The following TRPM3 variants were observed in gnomAD, a reference collection of about 807,000 sequenced individuals.
TRPM3 encodes the protein long transient receptor potential channel 3.
In TRPM3, 77 loss-of-function variants were observed where a neutral mutation model predicts 181.2. The observed-to-expected ratio is 0.42, with a 90% CI of 0.35 to 0.51. The LOEUF (loss-of-function observed/expected upper bound fraction) is 0.51, where lower values mean the gene tolerates loss of function less well. Ranked by LOEUF, TRPM3 falls within the 20% of genes least tolerant of loss-of-function variation. The pLI, the probability that TRPM3 is intolerant of heterozygous loss-of-function variation, is 0.01. For missense variants in TRPM3, 1,759 were observed against 2,196.7 expected (o/e 0.80, Z 3.98); for synonymous variants, 745 against 796.4 (o/e 0.94, Z 1.09).
chr9:70,744,489 A>T (rs1324570438), intron 8 of TRPM3, among the ~76,000 whole-genome samples: 1 of 152,222 alleles, frequency 6.6e-6, no homozygotes, highest in Non-Finnish European at 1.5e-5. Flanking sequence ...AAGGAATGGA[A>T]CAGAGCTTTA....
At chr9:70,747,589 T>C (rs1235289241) in intron 8 of TRPM3, among the ~76,000 whole-genome samples, 5 of 152,122 alleles carry the variant, frequency 3.3e-5, no homozygotes, top group African/African-American at 1.2e-4. Context: ...CCACTGCCTG[T>C]GGGTCAAATT....
intron 1 of TRPM3, among the ~76,000 whole-genome samples, chr9:70,978,803 ATGCCC>A (rs1219559733): frequency 6.6e-6 from 1 of 152,214 alleles, no homozygotes; most frequent in Non-Finnish European, 1.5e-5. Flanking sequence ...ACACTCACTG[ATGCCC>A]TGCCAGTGTC....
intron 9 of TRPM3, among the ~76,000 whole-genome samples, chr9:70,674,055 G>T (rs1373566637): frequency 6.6e-6 from 1 of 151,830 alleles, no homozygotes; most frequent in Admixed American, 6.6e-5. Flanking sequence ...ACAGTATAAG[G>T]TTAAGAAAAT....
intron 1 of TRPM3, among the ~76,000 whole-genome samples, chr9:70,928,011 A>G (rs1008298183): frequency 6.6e-6 from 1 of 152,118 alleles, no homozygotes; most frequent in Non-Finnish European, 1.5e-5. Flanking sequence ...TAGTTTGGAA[A>G]TTTTACTTCT....
At chr9:71,056,153 A>C (rs1378385573) in intron 1 of TRPM3, among the ~76,000 whole-genome samples, 2 of 152,024 alleles carry the variant, frequency 1.3e-5, no homozygotes, top group African/African-American at 4.8e-5. Flanking sequence ...GTATCAAAAC[A>C]ACATCCTTGA....
intron 1 of TRPM3, among the ~76,000 whole-genome samples, chr9:70,914,272 G>A (rs3010449): frequency 0.015 from 2,347 of 152,240 alleles, 68 homozygotes; most frequent in African/African-American, 0.054. Context: ...CAGGAACATC[G>A]TGCTATTTTG....
chr9:70,955,811 C>G (rs1051543435), intron 1 of TRPM3, among the ~76,000 whole-genome samples: 8 of 152,148 alleles, frequency 5.3e-5, no homozygotes, highest in Non-Finnish European at 1.2e-4. Context: ...AAGTCTTTGT[C>G]AATGTTTTGA....
chr9:70,828,478 C>G (rs927289458), intron 5 of TRPM3, among the ~76,000 whole-genome samples: 7 of 151,912 alleles, frequency 4.6e-5, no homozygotes, highest in African/African-American at 1.7e-4. Context: ...TTCTTTCTGT[C>G]AATCTCATTC....
chr9:70,940,704 T>C lies in TRPM3; in HGVS notation c.178-76193A>G, dbSNP rs537181469. Among the ~76,000 whole-genome samples, 189 of 152,310 alleles carry C rather than the reference T, an allele frequency of 1.2e-3. No homozygotes were observed. In the Middle Eastern group the frequency reaches 0.017, roughly 14 times the overall value. On this transcript the variant is annotated intron_variant, in intron 1 of 25. Transcript: ENST00000677713. ...GTCAGGAAGGACTTCTCTGAGGAGA[T>C]GGCATTGGAACTAACACTGAAGGAT...
At chr9:70,948,421 C>T (rs2096959815) in intron 1 of TRPM3, among the ~76,000 whole-genome samples, 1 of 152,158 alleles carries the variant, frequency 6.6e-6, no homozygotes, top group African/African-American at 2.4e-5. Flanking sequence ...TCTGACCTTT[C>T]CTTGTTTTTA....
intron 1 of TRPM3, among the ~76,000 whole-genome samples, chr9:71,428,577 G>T (rs943246055): frequency 2.4e-4 from 36 of 152,130 alleles, no homozygotes; most frequent in African/African-American, 8.4e-4. Flanking sequence ...TAGGAACTGT[G>T]AGTGTGTATG....
chr9:71,217,454 G>C (rs2079963185), intron 1 of TRPM3, among the ~76,000 whole-genome samples: 1 of 152,154 alleles, frequency 6.6e-6, no homozygotes, highest in South Asian at 2.1e-4. Context: ...AAAGTCAACG[G>C]CTAAGCATAG....
At chr9:71,051,935 G>GC (rs2060108037) in intron 1 of TRPM3, among the ~76,000 whole-genome samples, 1 of 91,676 alleles carries the variant, frequency 1.1e-5, no homozygotes, top group Non-Finnish European at 2.9e-5. Context: ...GTTATCTCTA[G>GC]GGGGGTTGTT....
At chr9:70,976,835 C>G (rs2097307510) in intron 1 of TRPM3, among the ~76,000 whole-genome samples, 1 of 152,140 alleles carries the variant, frequency 6.6e-6, no homozygotes, top group African/African-American at 2.4e-5. Flanking sequence ...GTGACTGCCT[C>G]AAAAGTGGTA....
At chr9:71,319,672 T>C (rs2089010863) in intron 1 of TRPM3, among the ~76,000 whole-genome samples, 1 of 152,236 alleles carries the variant, frequency 6.6e-6, no homozygotes, top group African/African-American at 2.4e-5. Flanking sequence ...AGCTGACACA[T>C]AAAATTAACC....
chr9:70,777,120 C>A (rs1215254315), intron 7 of TRPM3, among the ~76,000 whole-genome samples: 2 of 152,144 alleles, frequency 1.3e-5, no homozygotes, highest in Non-Finnish European at 2.9e-5. Flanking sequence ...GCTTTGAAAT[C>A]ATCACTTGGC....
chr9:70,853,909 T>C (rs2095313146), intron 3 of TRPM3, among the ~76,000 whole-genome samples: 1 of 152,196 alleles, frequency 6.6e-6, no homozygotes, highest in African/African-American at 2.4e-5. Context: ...AGAAGATAAT[T>C]AAAACCGAGG....
Position 70,620,347 on chromosome 9 carries a change from G to A in TRPM3, c.1858C>T (p.Arg620Ter), listed in dbSNP as rs764939818. ...CGTTTCTTGGTTGTCTTTCTTCCTCGCCTCAAGGGAATATCATCCTGTAAT... is the reference window on the plus strand; with the variant it reads ...CGTTTCTTGGTTGTCTTTCTTCCTCACCTCAAGGGAATATCATCCTGTAAT... Reference protein sequence around the residue: ...LGMEDDIPLRRGRKTTKKREE... With the variant: ...LGMEDDIPLR The change falls in exon 16 of 26, where the codon CGA (arginine) becomes TGA (stop). Residue 620 changes from arginine to a stop codon, truncating the protein, a stop_gained. Transcript: ENST00000677713. LOFTEE classifies it high-confidence loss of function. The A allele has an allele frequency of 2.5e-6, 4 of 1,611,320 alleles. No homozygotes were observed. Among genetic ancestry groups the A allele is most frequent in the African/African-American group, 1.3e-5 (1 of 74,994 alleles).
At chr9:70,558,104 C>T (rs945366231) in intron 22 of TRPM3, among the ~76,000 whole-genome samples, 8 of 152,112 alleles carry the variant, frequency 5.3e-5, no homozygotes, top group Admixed American at 3.9e-4. Context: ...AAGCATCAGC[C>T]TTGGAACTTT....
Sources: allele counts gnomAD v4.1 joint callset (sites outside exome capture counted in the v4.1 genomes callset), GRCh38; gene constraint gnomAD v4.1.1; transcripts MANE v1.5; gene names NCBI Gene and HGNC (gene_info 2026-07-23, HGNC 2026-07-21).